SYNE2: variants seen among roughly 807,000 people sequenced by gnomAD.
The protein encoded by SYNE2 is spectrin repeat containing nuclear envelope protein 2.
A neutral mutation model predicts 856.3 loss-of-function variants in SYNE2; 431 were observed. The ratio of observed to expected loss-of-function variants is 0.50; its 90% confidence interval spans 0.47 to 0.55. SYNE2 has a LOEUF of 0.55. SYNE2 is among the 20% of genes least tolerant of loss of function. The pLI, the probability that SYNE2 is intolerant of heterozygous loss-of-function variation, is 0.00. For synonymous variants in SYNE2, 2,923 were observed against 2,872.3 expected (o/e 1.02, Z -0.56); for missense variants, 8,129 against 8,023.2 (o/e 1.01, Z -0.50).
At position 64,093,466 on chromosome 14, in the gene SYNE2, C is replaced by G; in HGVS notation, c.12094C>G (p.Leu4032Val). 1 of 1,614,170 alleles carries G rather than the reference C, an allele frequency of 6.2e-7. No individual in the cohort carries two copies. Among genetic ancestry groups the G allele is most frequent in the Non-Finnish European group, 8.5e-7 (1 of 1,180,018 alleles). Residue 4032 changes from leucine (L) to valine (V), a missense_variant, in exon 61 of 116, where the codon CTG (leucine) becomes GTG (valine). Around this residue, in one of 3 missense-constraint regions of SYNE2, gnomAD observed 5,410 missense variants for 5,284.8 expected, o/e 1.02. Coordinates refer to ENST00000555002, the MANE Select transcript of SYNE2 (RefSeq NM_182914.3). Reference sequence around the variant, plus strand: ...TATGTCACCAGACCAAGCTGACAAGCTGCCACAACTACAGGTATGTTTCTT... The same window carrying G: ...TATGTCACCAGACCAAGCTGACAAGGTGCCACAACTACAGGTATGTTTCTT... Reference protein sequence around the residue: ...EHMSPDQADKLPQLQGEIERM... With the variant: ...EHMSPDQADKVPQLQGEIERM...
At position 64,101,928 on chromosome 14, in the gene SYNE2, A is replaced by G. The variant is rs2097733392; in HGVS notation, c.12382-4A>G. The G allele has an allele frequency of 2.5e-6, 4 of 1,609,626 alleles. No individual in the cohort carries two copies. Among genetic ancestry groups the G allele is most frequent in the Non-Finnish European group, 3.4e-6 (4 of 1,175,918 alleles). ...CTTTGCTAACCAATCGTTTACTGTG[A>G]TAGAATGGAGATGAGAAGGCAGAGC... On this transcript the variant is annotated splice_region_variant and splice_polypyrimidine_tract_variant and intron_variant, in intron 63 of 115. Transcript: ENST00000555002.
chr14:64,086,702 C>CTTTTTT (rs56168321), intron 57 of SYNE2, among the ~76,000 whole-genome samples: 28 of 64,670 alleles, frequency 4.3e-4, no homozygotes, highest in African/African-American at 5.5e-4. Flanking sequence ...GTATGCAGGT[C>CTTTTTT]TTTTTTTTTT....
intron 1 of SYNE2, among the ~76,000 whole-genome samples, chr14:63,767,991 C>A (rs1886750278): frequency 1.3e-5 from 2 of 152,002 alleles, no homozygotes; most frequent in Admixed American, 6.6e-5. Flanking sequence ...CGCAGGAGTT[C>A]AGGACCAGCC....
At chr14:63,948,392 G>A (rs1445448245) in intron 6 of SYNE2, among the ~76,000 whole-genome samples, 5 of 151,912 alleles carry the variant, frequency 3.3e-5, no homozygotes, top group Non-Finnish European at 4.4e-5. Context: ...GGCCGGGTGC[G>A]GTGGCTCACG....
chr14:64,184,331 T>TGA (rs2098477685), intron 96 of SYNE2, among the ~76,000 whole-genome samples: 1 of 121,600 alleles, frequency 8.2e-6, no homozygotes. Flanking sequence ...TGCATAGGGG[T>TGA]GTGTGTGTGT....
intron 65 of SYNE2, among the ~76,000 whole-genome samples, chr14:64,109,000 C>T (rs1054645241): frequency 6.6e-6 from 1 of 151,934 alleles, no homozygotes; most frequent in South Asian, 2.1e-4. Flanking sequence ...CTTAGCCTCC[C>T]GGATGGCTAG....
In SYNE2 at chr14:64,151,483, A is replaced by AAAAAAAAAAAAAG. The variant is rs1263244537; in HGVS notation, c.15640-1081_15640-1080insAAAAAAAAAAAAG. On this transcript the variant is annotated intron_variant, in intron 84 of 115. Coordinates refer to ENST00000555002, the MANE Select transcript of SYNE2 (RefSeq NM_182914.3). ...TAGGCAAAGCAATTTTCAAAAAAAAAGCTGGGATCCTTAGGCAAAGCAATT... is the reference window on the plus strand; with the variant it reads ...TAGGCAAAGCAATTTTCAAAAAAAAAAAAAAAAAAAAAGGCTGGGATCCTTAGGCAAAGCAATT... 1.3e-4 allele frequency among the ~76,000 whole-genome samples: 13 copies of AAAAAAAAAAAAAG among 102,440 alleles called. 1 individual carries two copies. The highest frequency in any genetic ancestry group is 5.2e-4 in the African/African-American group (12 of 22,928). 67.2% of individuals were successfully genotyped at this position (102,440 alleles called of 152,430 possible). A position where few individuals can be genotyped will look rare whatever the true frequency, so the allele number is the denominator to read the frequency against.
In SYNE2 at chr14:63,944,824, C is replaced by CTTTTTTTTTTTTTTTTTTTTT. The variant is rs55906748; in HGVS notation, c.408+2686_408+2706dup. On this transcript the variant is annotated intron_variant, in intron 6 of 115. Transcript: ENST00000555002. ...GTGAGCCACCGTGCTGGGCTTAAAGCTTTTTTTTTTTTTTTTTTTTTTTTT... is the reference window on the plus strand; with the variant it reads ...GTGAGCCACCGTGCTGGGCTTAAAGCTTTTTTTTTTTTTTTTTTTTTTTTTTTTTTTTTTTTTTTTTTTTTT... Among the ~76,000 whole-genome samples, 12 of 46,948 alleles carry CTTTTTTTTTTTTTTTTTTTTT rather than the reference C, an allele frequency of 2.6e-4. 2 individuals are homozygous for CTTTTTTTTTTTTTTTTTTTTT. The highest frequency in any genetic ancestry group is 6.4e-4 in the Admixed American group (2 of 3,144). 30.8% of individuals were successfully genotyped at this position (46,948 alleles called of 152,430 possible). A position where few individuals can be genotyped will look rare whatever the true frequency, so the allele number is the denominator to read the frequency against.
chr14:63,901,128 T>G (rs190261732), intron 1 of SYNE2, among the ~76,000 whole-genome samples: 1 of 152,244 alleles, frequency 6.6e-6, no homozygotes. Flanking sequence ...TCAGTTAGAC[T>G]GGCAGGGCTT....
At chr14:63,852,454 G>T (rs1289862754), upstream of SYNE2, among the ~76,000 whole-genome samples, 1 of 152,116 alleles carries the variant, frequency 6.6e-6, no homozygotes, top group Admixed American at 6.5e-5. Context: ...CAAGGGGAAG[G>T]AGGAACCCAG....
rs1401871641 is a variant in SYNE2, at chr14:63,942,085, T to C, written c.350T>C (p.Ile117Thr). ...KLINIHVTDI[I>T]DGNPSIILGL... ...ATAAATATTCATGTTACTGATATCA[T>C]TGATGGAAACCCATCCATTATCCTT... Residue 117 changes from isoleucine to threonine, a missense_variant, in exon 6 of 116, where the codon ATT becomes ACT. Ile to Thr is a moderately conservative substitution (Grantham distance 89). Transcript: ENST00000555002. The C allele has an allele frequency of 1.2e-6, 2 of 1,612,134 alleles. No homozygotes were observed. The highest frequency in any genetic ancestry group is 2.2e-5 in the South Asian group (2 of 91,044).
chr14:63,945,159 G>T (rs2792207), intron 6 of SYNE2, among the ~76,000 whole-genome samples: 1 of 133,924 alleles, frequency 7.5e-6, no homozygotes, highest in African/African-American at 2.9e-5. Context: ...TTTTGTTGAT[G>T]TATATGTAAT....
chr14:64,080,686 A>G (rs1471974912), intron 56 of SYNE2, 48 bp downstream of exon 56: 1 of 1,600,376 alleles, frequency 6.2e-7, no homozygotes, highest in Non-Finnish European at 8.6e-7. Flanking sequence ...TGGTATTGAG[A>G]TGGTGTTAAA....
At chr14:64,174,567 T>C (rs964103357) in intron 94 of SYNE2, among the ~76,000 whole-genome samples, 1 of 152,226 alleles carries the variant, frequency 6.6e-6, no homozygotes, top group Non-Finnish European at 1.5e-5. Context: ...TAGCGTAATA[T>C]AAGGTCTGTT....
chr14:64,073,922 G>A (rs773532031), intron 52 of SYNE2, 46 bp from the exon 53 acceptor site: 19 of 1,586,232 alleles, frequency 1.2e-5, no homozygotes, highest in Non-Finnish European at 1.6e-5. Flanking sequence ...TTTATTCATA[G>A]AAGAGCAGGA....
chr14:64,140,185 G>A, intron 80 of SYNE2, 112 bp downstream of exon 80: 1 of 1,048,424 alleles, frequency 9.5e-7, no homozygotes, highest in South Asian at 1.3e-5. Flanking sequence ...TAAGGGGTAA[G>A]ACTTGGGCGA....
Position 64,053,159 on chromosome 14 carries a change from C to T in SYNE2, c.9246C>T (p.Leu3082=). The change falls in exon 48 of 116, where the codon CTC becomes CTT. Residue 3082 remains leucine, a synonymous_variant. Transcript: ENST00000555002. ...ATAGCTCTCCGGAAAGCAGACGGCT[C>T]AATGCCCAAATTTTAAGTCAGAGAA... The part of the protein sequence containing the change: ...APDSSPESRR[L]NAQILSQRIE... 3 of 1,614,084 alleles carry T rather than the reference C, an allele frequency of 1.9e-6. No individual in the cohort carries two copies. The highest frequency in any genetic ancestry group is 2.5e-6 in the Non-Finnish European group (3 of 1,180,018).
At chr14:64,063,821 C>T in intron 50 of SYNE2, among the ~76,000 whole-genome samples, 1 of 152,152 alleles carries the variant, frequency 6.6e-6, no homozygotes, top group East Asian at 1.9e-4. Flanking sequence ...ACAAAATGTA[C>T]AGTAGTCCCC....
intron 105 of SYNE2, among the ~76,000 whole-genome samples, chr14:64,213,262 C>G (rs1250274613): frequency 6.6e-6 from 1 of 152,104 alleles, no homozygotes; most frequent in Non-Finnish European, 1.5e-5. Context: ...TTTAAGTATT[C>G]CTCAGGGCTG....
Sources: gnomAD v4.1 joint callset for allele counts (sites outside exome capture counted in the v4.1 genomes callset) on GRCh38, gnomAD v4.1.1 for gene constraint, gnomAD v4.1.1 regional missense constraint, MANE v1.5 for transcripts, NCBI Gene and HGNC (gene_info 2026-07-23, HGNC 2026-07-21) for gene names.